Variants in SYDE2 observed in about 807,000 individuals in gnomAD.
SYDE2 encodes the protein rho GTPase-activating protein SYDE2.
A neutral mutation model predicts 91.5 loss-of-function variants in SYDE2; 76 were observed. That is an observed-to-expected ratio of 0.83 (90% CI 0.69 to 1.01). The LOEUF (loss-of-function observed/expected upper bound fraction) is 1.01, where lower values mean the gene tolerates loss of function less well. Among genes scored for constraint, SYDE2 ranks in the 50% least tolerant of loss-of-function variants. SYDE2 has a pLI of 0.00. For missense variants in SYDE2, 1,364 were observed against 1,367.7 expected (o/e 1.00, Z 0.04); for synonymous variants, 513 against 506.4 (o/e 1.01, Z -0.18).
At position 85,190,716 on chromosome 1, in the gene SYDE2, C is replaced by G; in HGVS notation, c.782G>C (p.Gly261Ala). 1 of 1,612,318 alleles carries G rather than the reference C, an allele frequency of 6.2e-7. No individual in the cohort carries two copies. Among genetic ancestry groups the G allele is most frequent in the African/African-American group, 1.3e-5 (1 of 74,840 alleles). Residue 261 changes from glycine (G) to alanine (A), a missense_variant, in exon 2 of 7, where the codon GGA (glycine) becomes GCA (alanine). By Grantham distance (60) the Gly-to-Ala change is moderately conservative (BLOSUM62 0). Coordinates refer to ENST00000341460, the MANE Select transcript of SYDE2 (RefSeq NM_032184.2). ...ATCCTTCAGCTCTTCAAGTTCTCTT[C>G]CCTTCATTGAAGACCCATAGGCATT... ...FENAYGSSMKGRELEELKDNI... is the reference protein window; with the variant it reads ...FENAYGSSMKARELEELKDNI...
In SYDE2 at chr1:85,200,571, G is replaced by A. The variant is rs758151820; in HGVS notation, c.426C>T (p.Leu142=). The change falls in exon 1 of 7, where the codon CTC becomes CTT. Residue 142 remains leucine, a synonymous_variant. Coordinates refer to ENST00000341460, the MANE Select transcript of SYDE2 (RefSeq NM_032184.2). ...DRARAAAPTG[L]QPPGCKDHGC... is the part of the protein sequence containing the mutation. The stretch of plus-strand genomic sequence containing the variant: ...CGTGGTCCTTGCAGCCTGGAGGCTG[G>A]AGGCCGGTGGGTGCAGCCGCCCGGG... The A allele has an allele frequency of 1.9e-5, 30 of 1,598,798 alleles. No homozygotes were observed. In the Admixed American group the frequency reaches 5.1e-4, roughly 27 times the overall value.
chr1:85,183,231 A>G (rs1023659101), intron 2 of SYDE2, 31 bp from the exon 3 acceptor site: 23 of 1,495,806 alleles, frequency 1.5e-5, no homozygotes, highest in Non-Finnish European at 2.0e-5. Context: ...ATACGTTATA[A>G]AGCAATATGT....
intron 5 of SYDE2, among the ~76,000 whole-genome samples, chr1:85,166,633 GA>G (rs145704797): frequency 0.035 from 5,352 of 152,116 alleles, 329 homozygotes; most frequent in African/African-American, 0.12. Flanking sequence ...AATGAAGAGA[GA>G]ATGAAAACTA....
rs75774140 is a variant in SYDE2 at position 85,183,009 on chromosome 1, C to T, written c.1633G>A (p.Val545Ile). 6,737 of 1,613,080 alleles carry T rather than the reference C, an allele frequency of 4.2e-3. 184 individuals carry two copies. The East Asian group carries it at 0.068, about 16-fold the overall frequency. ...TTTATATAATTCAATGTTCCCTTAA[C>T]GCTTAGCTTTCGGCTAAATTCTGGC... Reference protein sequence around the residue: ...KLPEFSRKLSVKGTLNYINSP... With the variant: ...KLPEFSRKLSIKGTLNYINSP... Residue 545 changes from valine (V) to isoleucine (I), a missense_variant, in exon 3 of 7, where the codon GTT (valine) becomes ATT (isoleucine). Coordinates refer to ENST00000341460, the MANE Select transcript of SYDE2 (RefSeq NM_032184.2).
intron 3 of SYDE2, among the ~76,000 whole-genome samples, chr1:85,179,649 C>G (rs1334134293): frequency 6.6e-6 from 1 of 152,116 alleles, no homozygotes; most frequent in Non-Finnish European, 1.5e-5. Context: ...TTATGCTGAT[C>G]ACATCATCTC....
In SYDE2 at chr1:85,160,889, A is replaced by G. The variant is rs531273285; in HGVS notation, c.3086-1640T>C. Reference sequence around the variant, plus strand: ...AGTCGCTTAGAGTTACTCACCTAAGACCCTACTGAAACATTGTTTCTGTGT... The same window carrying G: ...AGTCGCTTAGAGTTACTCACCTAAGGCCCTACTGAAACATTGTTTCTGTGT... On this transcript the variant is annotated intron_variant, in intron 6 of 6. Transcript: ENST00000341460. 79 of 985,374 alleles carry G rather than the reference A, an allele frequency of 8.0e-5. No individual in the cohort carries two copies. The Middle Eastern group carries it at 1.6e-3, about 20-fold the overall frequency. 61.0% of individuals were successfully genotyped at this position (985,374 alleles called of 1,614,324 possible). A position where few individuals can be genotyped will look rare whatever the true frequency, so the allele number is the denominator to read the frequency against.
At position 85,182,303 on chromosome 1, in the gene SYDE2, A is replaced by C. The variant is rs974271108; in HGVS notation, c.2339T>G (p.Val780Gly). The C allele has an allele frequency of 1.1e-5, 18 of 1,613,734 alleles. No homozygotes were observed. In the African/African-American group the frequency reaches 2.0e-4, roughly 18 times the overall value. The change falls in exon 3 of 7, where the codon GTC (valine) becomes GGC (glycine). Residue 780 changes from valine (V) to glycine (G), a missense_variant. By Grantham distance (109) the Val-to-Gly change is moderately radical. Coordinates refer to ENST00000341460, the MANE Select transcript of SYDE2 (RefSeq NM_032184.2). The part of the protein sequence containing the change: ...FRVTKTHQLA[V>G]KLEPRGLIYV... Reference sequence around the variant, plus strand: ...AATAAGACCTCTAGGTTCAAGTTTGACAGCCAACTGATGAGTCTTTGTCAC... The same window carrying C: ...AATAAGACCTCTAGGTTCAAGTTTGCCAGCCAACTGATGAGTCTTTGTCAC...
At chr1:85,198,901 G>A (rs895631248) in intron 1 of SYDE2, among the ~76,000 whole-genome samples, 2 of 152,056 alleles carry the variant, frequency 1.3e-5, no homozygotes, top group African/African-American at 4.8e-5. Flanking sequence ...TTAGTATAAA[G>A]TACACCTCTC....
At position 85,182,789 on chromosome 1, in the gene SYDE2, C is replaced by G. The variant is rs1463206737; in HGVS notation, c.1853G>C (p.Gly618Ala). The change falls in exon 3 of 7, where the codon GGT becomes GCT. Residue 618 changes from glycine (G) to alanine (A), a missense_variant. Physicochemically the swap from Gly to Ala is moderately conservative, Grantham distance 60. Coordinates refer to ENST00000341460, the MANE Select transcript of SYDE2 (RefSeq NM_032184.2). ...TGAGTCTCCATCACTAAGGTAACCACCTTTGCAGGAATACTTAGAACTCAT... is the reference window on the plus strand; with the variant it reads ...TGAGTCTCCATCACTAAGGTAACCAGCTTTGCAGGAATACTTAGAACTCAT... ...NSMSSKYSCK[G>A]GYLSDGDSPE... The G allele has an allele frequency of 1.9e-6, 3 of 1,613,770 alleles. No individual in the cohort carries two copies. The Admixed American group carries it at 5.0e-5, about 27-fold the overall frequency.
At chr1:85,194,201 T>A (rs1658491428) in intron 1 of SYDE2, among the ~76,000 whole-genome samples, 1 of 151,508 alleles carries the variant, frequency 6.6e-6, no homozygotes, top group Non-Finnish European at 1.5e-5. Context: ...TGGATCCACA[T>A]GAATGTAAAT....
chr1:85,181,704 CAGAT>C (rs2100671326), intron 3 of SYDE2: 1 of 155,084 alleles, frequency 6.4e-6, no homozygotes, highest in African/African-American at 2.4e-5. Flanking sequence ...ATTATAAATT[CAGAT>C]AGTACTAAAG....
intron 3 of SYDE2, among the ~76,000 whole-genome samples, chr1:85,180,482 G>C (rs957425665): frequency 3.3e-5 from 5 of 151,998 alleles, no homozygotes; most frequent in African/African-American, 1.2e-4. Flanking sequence ...ACAAGGTCAG[G>C]AGCTGGAGAC....
Position 85,182,138 on chromosome 1 carries a change from A to G in SYDE2, c.2504T>C (p.Ile835Thr). 1 of 1,601,512 alleles carries G rather than the reference A, an allele frequency of 6.2e-7. No homozygotes were observed. The highest frequency in any genetic ancestry group is 8.5e-7 in the Non-Finnish European group (1 of 1,174,472). ...TTCAATTTCCATAATACATTTCTGT[A>G]TCAGAAGGGGCACCATCAGTCCTAT... ...ENIGLMVPLL[I>T]QKCIMEIEKR... The change falls in exon 3 of 7, where the codon ATA becomes ACA. Residue 835 changes from isoleucine to threonine, a missense_variant. Transcript: ENST00000341460.
At chr1:85,169,314 A>G in intron 4 of SYDE2, 89 bp from the exon 5 acceptor site, 1 of 956,082 alleles carries the variant, frequency 1.0e-6, no homozygotes, top group East Asian at 2.5e-5. Context: ...TAAGTATTAT[A>G]GCCAACTTTC....
chr1:85,179,637 A>G (rs2100667346), intron 3 of SYDE2, among the ~76,000 whole-genome samples: 1 of 152,324 alleles, frequency 6.6e-6, no homozygotes, highest in East Asian at 1.9e-4. Context: ...GAATGGAATG[A>G]GTTATGCTGA....
intron 3 of SYDE2, among the ~76,000 whole-genome samples, chr1:85,179,120 TGAG>T (rs1490559171): frequency 1.3e-5 from 2 of 152,244 alleles, no homozygotes; most frequent in African/African-American, 4.8e-5. Context: ...CAAAAAAACT[TGAG>T]GAGAGAATAA....
chr1:85,193,555 C>T (rs1658455842), intron 1 of SYDE2, among the ~76,000 whole-genome samples: 1 of 152,090 alleles, frequency 6.6e-6, no homozygotes, highest in South Asian at 2.1e-4. Flanking sequence ...AATAAAGCTA[C>T]CAGTATCCCA....
intron 2 of SYDE2, among the ~76,000 whole-genome samples, chr1:85,188,148 G>A (rs11161543): frequency 0.22 from 32,880 of 151,390 alleles, 3,825 homozygotes; most frequent in South Asian, 0.25. Flanking sequence ...TTCTATATCC[G>A]TCGCTATCTG....
In SYDE2 at chr1:85,200,686, C is replaced by A; in HGVS notation, c.311G>T (p.Ser104Ile). The A allele has an allele frequency of 6.5e-7, 1 of 1,537,158 alleles. No individual in the cohort carries two copies. The highest frequency in any genetic ancestry group is 8.7e-7 in the Non-Finnish European group (1 of 1,146,950). Residue 104 changes from serine (S) to isoleucine (I), a missense_variant, in exon 1 of 7, where the codon AGC becomes ATC. Coordinates refer to ENST00000341460, the MANE Select transcript of SYDE2 (RefSeq NM_032184.2). ...CGCGCCGCACCTGATCCAGCTGTCG[C>A]TCGGCCACCGCTGGAAGGGAGGCGG... ...AKPPPFQRWP[S>I]DSWIRCGAHR...
Sources: allele counts gnomAD v4.1 joint callset (sites outside exome capture counted in the v4.1 genomes callset), GRCh38; gene constraint gnomAD v4.1.1; transcripts MANE v1.5; gene names NCBI Gene and HGNC (gene_info 2026-07-23, HGNC 2026-07-21).